The following BMERB1 variants were observed in gnomAD, a reference collection of about 807,000 sequenced individuals.
BMERB1 encodes bMERB domain containing 1, also known as bMERB domain-containing protein 1.
Under a neutral mutation model 23.6 loss-of-function variants are expected in BMERB1, and 12 were observed. That is an observed-to-expected ratio of 0.51 (90% CI 0.33 to 0.82). BMERB1 has a LOEUF of 0.82. Ranked by LOEUF, BMERB1 falls within the 40% of genes least tolerant of loss-of-function variation. BMERB1 has a pLI of 0.03. For missense variants in BMERB1, 247 were observed against 255.4 expected (o/e 0.97, Z 0.22); for synonymous variants, 122 against 96.6 (o/e 1.26, Z -1.54).
intron 1 of BMERB1, among the ~76,000 whole-genome samples, chr16:15,507,211 A>C (rs1162160395): frequency 6.6e-6 from 1 of 152,202 alleles, no homozygotes; most frequent in Non-Finnish European, 1.5e-5. Flanking sequence ...GCTTGTATTT[A>C]AACTAGAAGT....
At chr16:15,448,268 G>C (rs2051008601) in intron 1 of BMERB1, among the ~76,000 whole-genome samples, 1 of 152,166 alleles carries the variant, frequency 6.6e-6, no homozygotes, top group Non-Finnish European at 1.5e-5. Context: ...GGATAAGAAG[G>C]TCAGCTAGGA....
intron 2 of BMERB1, among the ~76,000 whole-genome samples, chr16:15,559,795 G>A (rs2030367371): frequency 6.6e-6 from 1 of 152,240 alleles, no homozygotes; most frequent in Non-Finnish European, 1.5e-5. Flanking sequence ...TTGCCAACTG[G>A]GGTTTGTAAG....
chr16:15,503,357 C>T (rs1383903386), intron 1 of BMERB1, among the ~76,000 whole-genome samples: 1 of 151,912 alleles, frequency 6.6e-6, no homozygotes, highest in East Asian at 1.9e-4. Context: ...TCTCGGCTCA[C>T]TGCAAACTCC....
intron 1 of BMERB1, among the ~76,000 whole-genome samples, chr16:15,469,406 A>G (rs889060560): frequency 6.6e-6 from 1 of 152,200 alleles, no homozygotes; most frequent in Non-Finnish European, 1.5e-5. Flanking sequence ...CTGTAGGTAT[A>G]TGTAATCATT....
intron 2 of BMERB1, among the ~76,000 whole-genome samples, chr16:15,538,249 C>T (rs1198544535): frequency 2.6e-5 from 4 of 152,042 alleles, no homozygotes; most frequent in African/African-American, 9.7e-5. Flanking sequence ...GTCAGGAGTT[C>T]CAAACCAGCC....
At chr16:15,490,888 G>A (rs2051414118) in intron 1 of BMERB1, among the ~76,000 whole-genome samples, 1 of 151,926 alleles carries the variant, frequency 6.6e-6, no homozygotes, top group South Asian at 2.1e-4. Context: ...TGTCACCCAG[G>A]CTGTGGTGCA....
intron 2 of BMERB1, among the ~76,000 whole-genome samples, chr16:15,533,733 C>G (rs1408190114): frequency 6.6e-6 from 1 of 152,046 alleles, no homozygotes; most frequent in Admixed American, 6.6e-5. Flanking sequence ...GAGGACAGAG[C>G]GTCTGCCTCA....
At chr16:15,573,871 A>C (rs1199101622) in intron 3 of BMERB1, among the ~76,000 whole-genome samples, 1 of 147,614 alleles carries the variant, frequency 6.8e-6, no homozygotes, top group Non-Finnish European at 1.5e-5. Flanking sequence ...GTCAAGGAGA[A>C]GCAAGGCACT....
At position 15,476,438 on chromosome 16, in the gene BMERB1, C is replaced by T. The variant is rs1480043708; in HGVS notation, c.107-38867C>T. On this transcript the variant is annotated intron_variant, in intron 1 of 5. Transcript: ENST00000300006. The stretch of plus-strand genomic sequence containing the variant: ...TCAGCCTCCCAAAGTGCTGGGATTA[C>T]AGGCGTGAGCCCCTGTGCCCAGCCC... Among the ~76,000 whole-genome samples the T allele has an allele frequency of 2.6e-5, 4 of 152,342 alleles. No homozygotes were observed. The South Asian group carries it at 6.2e-4, about 24-fold the overall frequency.
At chr16:15,529,400 ACT>A (rs2051946207) in intron 2 of BMERB1, among the ~76,000 whole-genome samples, 1 of 151,720 alleles carries the variant, frequency 6.6e-6, no homozygotes, top group South Asian at 2.1e-4. Context: ...CACCTGATAA[ACT>A]CTGTCCCCTC....
At chr16:15,539,236 C>T (rs1185008169) in intron 2 of BMERB1, among the ~76,000 whole-genome samples, 1 of 152,076 alleles carries the variant, frequency 6.6e-6, no homozygotes, top group Admixed American at 6.6e-5. Flanking sequence ...CAACCTAGAT[C>T]CCTCACATGC....
chr16:15,529,917 T>TA (rs1428251795), intron 2 of BMERB1, among the ~76,000 whole-genome samples: 4 of 152,210 alleles, frequency 2.6e-5, no homozygotes, highest in African/African-American at 9.7e-5. Context: ...TCTTTTATCT[T>TA]ACAGTTCTGG....
chr16:15,576,438 A>G (rs62036870), intron 3 of BMERB1, among the ~76,000 whole-genome samples: 11,459 of 152,136 alleles, frequency 0.075, 558 homozygotes, highest in East Asian at 0.21. Flanking sequence ...TCATTTCACA[A>G]TTCTCCAAGG....
rs1226422130 is a variant in BMERB1, at chr16:15,447,898, T to C, written c.106+13139T>C. 5 of 455,980 alleles carry C rather than the reference T, an allele frequency of 1.1e-5. No individual in the cohort carries two copies. In the Admixed American group the frequency reaches 1.2e-4, roughly 11 times the overall value. 28.2% of individuals were successfully genotyped at this position (455,980 alleles called of 1,614,324 possible). The stretch of plus-strand genomic sequence containing the variant: ...GAAAGAAGTAGCATTTATTTATTTA[T>C]TTATTTTTGAGACAGAGTCTTGCTG... On this transcript the variant is annotated intron_variant, in intron 1 of 5. Coordinates refer to ENST00000300006, the MANE Select transcript of BMERB1 (RefSeq NM_033201.3).
At chr16:15,456,622 A>G (rs1446361584) in intron 1 of BMERB1, among the ~76,000 whole-genome samples, 1 of 151,926 alleles carries the variant, frequency 6.6e-6, no homozygotes, top group Admixed American at 6.6e-5. Context: ...ACACTGCATC[A>G]GCCAAAAAAA....
intron 1 of BMERB1, among the ~76,000 whole-genome samples, chr16:15,455,795 T>G (rs553621835): frequency 6.6e-6 from 1 of 152,280 alleles, no homozygotes; most frequent in African/African-American, 2.4e-5. Context: ...GAAACAGCTT[T>G]CTTTCAAGGG....
intron 1 of BMERB1, among the ~76,000 whole-genome samples, chr16:15,438,708 C>T (rs1206809497): frequency 6.6e-6 from 1 of 152,214 alleles, no homozygotes; most frequent in African/African-American, 2.4e-5. Flanking sequence ...GATCTGCCCT[C>T]CTTGGCCTCC....
intron 2 of BMERB1, among the ~76,000 whole-genome samples, chr16:15,567,005 G>C (rs2030585047): frequency 6.6e-6 from 1 of 151,718 alleles, no homozygotes; most frequent in South Asian, 2.1e-4. Context: ...AACATAACGA[G>C]GTCCCTCTCT....
At chr16:15,505,509 C>T (rs183617685) in intron 1 of BMERB1, among the ~76,000 whole-genome samples, 402 of 152,298 alleles carry the variant, frequency 2.6e-3, no homozygotes, top group Admixed American at 4.6e-3. Flanking sequence ...GGTTTATTTT[C>T]ATGGCTATTT....
Sources: allele counts gnomAD v4.1 joint callset (sites outside exome capture counted in the v4.1 genomes callset), GRCh38; gene constraint gnomAD v4.1.1; transcripts MANE v1.5; gene names NCBI Gene and HGNC (gene_info 2026-07-23, HGNC 2026-07-21).